The following GSKIP variants were observed in gnomAD, a reference collection of about 807,000 sequenced individuals.
The protein encoded by GSKIP is GSK3B interacting protein, also known as GSK3B-interacting protein.
Under a neutral mutation model 11.9 loss-of-function variants are expected in GSKIP, and 5 were observed. The observed-to-expected ratio is 0.42, with a 90% CI of 0.22 to 0.89. The LOEUF (loss-of-function observed/expected upper bound fraction) is 0.89, where lower values mean the gene tolerates loss of function less well. GSKIP is among the 40% of genes least tolerant of loss of function. GSKIP has a pLI of 0.29. For synonymous variants in GSKIP, 70 were observed against 62.9 expected (o/e 1.11, Z -0.54); for missense variants, 150 against 166.6 (o/e 0.90, Z 0.55).
intron 1 of GSKIP, among the ~76,000 whole-genome samples, chr14:96,365,815 C>T (rs1254836562): frequency 6.6e-6 from 1 of 151,968 alleles, no homozygotes; most frequent in South Asian, 2.1e-4. Context: ...GCCTGGGCAA[C>T]AGAGTGAGAC....
chr14:96,369,727 T>C (rs150729702), intron 1 of GSKIP, among the ~76,000 whole-genome samples: 6 of 152,148 alleles, frequency 3.9e-5, no homozygotes, highest in African/African-American at 1.4e-4. Flanking sequence ...AGATTTTAGA[T>C]TTTAGATTTT....
intron 2 of GSKIP, chr14:96,380,191 C>T (rs1889308895): frequency 1.3e-5 from 2 of 152,086 alleles, no homozygotes; most frequent in South Asian, 2.1e-4. Context: ...TTGTTTGTAG[C>T]GAGTGACTAA....
chr14:96,370,159 G>A (rs986043212), intron 1 of GSKIP, among the ~76,000 whole-genome samples: 1 of 152,172 alleles, frequency 6.6e-6, no homozygotes, highest in Non-Finnish European at 1.5e-5. Flanking sequence ...TTGGAAAACA[G>A]CATTTATCCA....
At chr14:96,384,833 C>T (rs1036666850) in intron 3 of GSKIP, 1 of 151,580 alleles carries the variant, frequency 6.6e-6, no homozygotes, top group African/African-American at 2.4e-5. Context: ...AAAAAAAACA[C>T]ATTAACATGT....
intron 1 of GSKIP, among the ~76,000 whole-genome samples, chr14:96,369,148 G>C (rs1566742245): frequency 6.6e-6 from 1 of 152,208 alleles, no homozygotes; most frequent in Non-Finnish European, 1.5e-5. Context: ...CTAGGGCTTT[G>C]TGGAAGGCCC....
At chr14:96,376,756 A>G (rs1156426522) in intron 1 of GSKIP, among the ~76,000 whole-genome samples, 1 of 152,154 alleles carries the variant, frequency 6.6e-6, no homozygotes, top group Non-Finnish European at 1.5e-5. Flanking sequence ...TTCTTTCCCA[A>G]AGTAGACTGC....
chr14:96,380,264 A>G (rs533885123), intron 2 of GSKIP: 5 of 152,208 alleles, frequency 3.3e-5, no homozygotes, highest in Non-Finnish European at 5.9e-5. Flanking sequence ...TTGAAATAGG[A>G]TTGGAGGAAT....
chr14:96,373,059 G>A (rs912141290), intron 1 of GSKIP, among the ~76,000 whole-genome samples: 6 of 151,750 alleles, frequency 4.0e-5, no homozygotes, highest in African/African-American at 1.2e-4. Flanking sequence ...ATGAAACCCC[G>A]TCTATACTAA....
intron 1 of GSKIP, among the ~76,000 whole-genome samples, chr14:96,373,993 A>T (rs180727897): frequency 6.6e-6 from 1 of 152,360 alleles, no homozygotes; most frequent in East Asian, 1.9e-4. Flanking sequence ...GCAGCAGAAT[A>T]TAACCTACAA....
At chr14:96,384,938 C>T (rs558181418) in intron 3 of GSKIP, 5 of 151,692 alleles carry the variant, frequency 3.3e-5, no homozygotes, top group African/African-American at 1.2e-4. Context: ...TAAAGCTAAA[C>T]AGTTATTAAA....
In GSKIP at chr14:96,385,719, T is replaced by C; in HGVS notation, c.*35T>C. The C allele has an allele frequency of 6.4e-7, 1 of 1,555,002 alleles. No homozygotes were observed. The highest frequency in any genetic ancestry group is 8.7e-7 in the Non-Finnish European group (1 of 1,144,750). ...TTCCTTTCAGAGGGGCTGGTGCTGG[T>C]ACAGAATGTTGATATAAAGCTTAAA... is the stretch of plus-strand genomic sequence containing the variant. On this transcript the variant is annotated 3_prime_UTR_variant, in exon 4 of 4. Transcript: ENST00000555181.
intron 1 of GSKIP, among the ~76,000 whole-genome samples, chr14:96,375,082 GTAGTA>G (rs946908079): frequency 3.3e-5 from 5 of 152,136 alleles, no homozygotes; most frequent in Non-Finnish European, 7.3e-5. Flanking sequence ...TATACATGAA[GTAGTA>G]TAGTATTAAT....
At chr14:96,383,990 G>A (rs970344074) in intron 3 of GSKIP, among the ~76,000 whole-genome samples, 4 of 152,106 alleles carry the variant, frequency 2.6e-5, no homozygotes, top group African/African-American at 9.7e-5. Flanking sequence ...GAATTTAAGT[G>A]ATCTTGAGTG....
chr14:96,365,449 AAGT>A (rs1415010842), intron 1 of GSKIP, among the ~76,000 whole-genome samples: 1 of 120,490 alleles, frequency 8.3e-6, no homozygotes, highest in Non-Finnish European at 1.6e-5. Context: ...GTGAAGGAAA[AAGT>A]AGAAGCTGGG....
intron 2 of GSKIP, among the ~76,000 whole-genome samples, chr14:96,381,120 C>T (rs773212843): frequency 6.6e-6 from 1 of 152,184 alleles, no homozygotes; most frequent in Non-Finnish European, 1.5e-5. Flanking sequence ...TTCTGTAAAG[C>T]CTTTTGTACA....
intron 1 of GSKIP, among the ~76,000 whole-genome samples, chr14:96,376,460 A>G (rs1415352734): frequency 6.6e-6 from 1 of 152,320 alleles, no homozygotes; most frequent in East Asian, 1.9e-4. Context: ...AAGCCCCATC[A>G]TAACTAACCA....
intron 1 of GSKIP, among the ~76,000 whole-genome samples, chr14:96,371,397 A>G (rs530565400): frequency 6.6e-6 from 1 of 151,812 alleles, no homozygotes; most frequent in Non-Finnish European, 1.5e-5. Context: ...TTTTCTTTTC[A>G]CCATAGGAAA....
intron 1 of GSKIP, among the ~76,000 whole-genome samples, chr14:96,378,670 A>G (rs139694095): frequency 5.3e-5 from 8 of 152,362 alleles, no homozygotes; most frequent in Non-Finnish European, 1.2e-4. Flanking sequence ...AGCACTTTCT[A>G]CATGGCAGGC....
At chr14:96,383,766 AAGCAT>A (rs1889412768) in intron 3 of GSKIP, among the ~76,000 whole-genome samples, 1 of 152,232 alleles carries the variant, frequency 6.6e-6, no homozygotes, top group African/African-American at 2.4e-5. Context: ...GCTTAGCTTT[AAGCAT>A]AGTACCTGAA....
Sources: gnomAD v4.1 joint callset for allele counts (sites outside exome capture counted in the v4.1 genomes callset) on GRCh38, gnomAD v4.1.1 for gene constraint, MANE v1.5 for transcripts, NCBI Gene and HGNC (gene_info 2026-07-23, HGNC 2026-07-21) for gene names.